The following MTUS2 variants were observed in gnomAD, a reference collection of about 807,000 sequenced individuals.
MTUS2 encodes the protein microtubule-associated tumor suppressor candidate 2.
MTUS2 carries 40 observed loss-of-function variants against 114.1 expected under a neutral mutation model. That is an observed-to-expected ratio of 0.35 (90% CI 0.27 to 0.46). The LOEUF (loss-of-function observed/expected upper bound fraction) is 0.46. Among genes scored for constraint, MTUS2 ranks in the 20% least tolerant of loss-of-function variants. The pLI is 1.00. For synonymous variants in MTUS2, 688 were observed against 672.0 expected (o/e 1.02, Z -0.37); for missense variants, 1,679 against 1,705.4 (o/e 0.98, Z 0.27).
chr13:29,381,159 T>A (rs912651757), intron 8 of MTUS2, among the ~76,000 whole-genome samples: 3 of 152,184 alleles, frequency 2.0e-5, no homozygotes, highest in Admixed American at 2.0e-4. Flanking sequence ...GGCATGTATC[T>A]GGGCTTCTGC....
chr13:28,872,405 G>T (rs1282436508), intron 2 of MTUS2, among the ~76,000 whole-genome samples: 2 of 152,160 alleles, frequency 1.3e-5, no homozygotes, highest in Admixed American at 1.3e-4. Flanking sequence ...ATTTGTTTTG[G>T]ATAGACTGAG....
chr13:28,895,722 G>A (rs1422520931), intron 2 of MTUS2, among the ~76,000 whole-genome samples: 1 of 152,216 alleles, frequency 6.6e-6, no homozygotes, highest in Non-Finnish European at 1.5e-5. Context: ...AAACTGCAGA[G>A]AAGCAGTAGC....
chr13:28,907,689 A>T (rs551945840), intron 2 of MTUS2, among the ~76,000 whole-genome samples: 2 of 151,808 alleles, frequency 1.3e-5, no homozygotes, highest in Admixed American at 1.3e-4. Context: ...GATCAATTCA[A>T]CAAAAAGAGC....
At chr13:28,921,414 C>T (rs1378416417) in intron 2 of MTUS2, among the ~76,000 whole-genome samples, 1 of 152,184 alleles carries the variant, frequency 6.6e-6, no homozygotes, top group Non-Finnish European at 1.5e-5. Context: ...AGGCAAAGTC[C>T]TCTTTGCTCT....
intron 8 of MTUS2, among the ~76,000 whole-genome samples, chr13:29,371,366 C>T (rs566120518): frequency 3.4e-5 from 5 of 145,830 alleles, no homozygotes; most frequent in South Asian, 2.1e-4. Flanking sequence ...TACAGGCGCC[C>T]GCCACCATGC....
chr13:29,449,163 A>G (rs551817922), intron 9 of MTUS2, among the ~76,000 whole-genome samples: 2 of 151,460 alleles, frequency 1.3e-5, no homozygotes, highest in East Asian at 3.9e-4. Flanking sequence ...ACAATACCTG[A>G]ATGTTTTCTA....
chr13:29,421,260 C>T (rs945980670), intron 8 of MTUS2, among the ~76,000 whole-genome samples: 14 of 152,224 alleles, frequency 9.2e-5, no homozygotes, highest in Admixed American at 5.9e-4. Context: ...TTTTCCTGGC[C>T]CTGGCAGTCC....
intron 10 of MTUS2, chr13:29,485,255 G>T (rs1343945670): frequency 6.6e-6 from 1 of 152,600 alleles, no homozygotes; most frequent in Non-Finnish European, 1.5e-5. Context: ...TGGTTCCAAG[G>T]TCCTCTCAGG....
chr13:29,234,902 A>G (rs1296277997), intron 5 of MTUS2, among the ~76,000 whole-genome samples: 9 of 152,086 alleles, frequency 5.9e-5, no homozygotes, highest in African/African-American at 1.2e-4. Flanking sequence ...AAATTTATAT[A>G]CAAGTTTTTA....
chr13:28,864,111 C>A (rs1335132780), intron 2 of MTUS2, among the ~76,000 whole-genome samples: 2 of 152,168 alleles, frequency 1.3e-5, no homozygotes, highest in East Asian at 3.8e-4. Flanking sequence ...AAATTGGGTT[C>A]TCCTCTTCTA....
At chr13:28,875,338 G>A (rs892036133) in intron 2 of MTUS2, among the ~76,000 whole-genome samples, 3 of 152,210 alleles carry the variant, frequency 2.0e-5, no homozygotes, top group African/African-American at 7.2e-5. Flanking sequence ...TGGATGCTCA[G>A]TAAAAATGTG....
intron 2 of MTUS2, among the ~76,000 whole-genome samples, chr13:28,899,462 T>G (rs2453708): frequency 0.68 from 102,927 of 151,990 alleles, 37,617 homozygotes; most frequent in Non-Finnish European, 0.82. Context: ...CAGGCTGGAG[T>G]GCAGTGGCGT....
At position 28,894,282 on chromosome 13, in the gene MTUS2, G is replaced by GTGGA. The variant is rs1172021649; in HGVS notation, c.-243+54432_-243+54433insTGGA. 3.0e-3 allele frequency among the ~76,000 whole-genome samples: 114 copies of GTGGA among 38,544 alleles called. 8 individuals carry two copies. The highest frequency in any genetic ancestry group is 0.021 in the African/African-American group (99 of 4,820). The allele number at this position is 38,544 out of a possible 152,430, so 25.3% of individuals were successfully genotyped here. A position where few individuals can be genotyped will look rare whatever the true frequency, so the allele number is the denominator to read the frequency against. On this transcript the variant is annotated intron_variant, in intron 2 of 15. Coordinates refer to ENST00000612955, the MANE Select transcript of MTUS2 (RefSeq NM_001033602.4). ...TTATAAGAAGAAGGAGAGTTGGTGG[G>GTGGA]GGGGGGGGAGAGAGAGAGAGAGGGG... is the stretch of plus-strand genomic sequence containing the variant.
intron 4 of MTUS2, among the ~76,000 whole-genome samples, chr13:29,052,746 T>A (rs759306793): frequency 1.8e-4 from 27 of 152,156 alleles, no homozygotes; most frequent in Non-Finnish European, 4.0e-4. Flanking sequence ...CAGAATTATT[T>A]CAACAACCTA....
intron 7 of MTUS2, among the ~76,000 whole-genome samples, chr13:29,329,399 T>G (rs376653163): frequency 1.4e-4 from 21 of 152,168 alleles, no homozygotes; most frequent in African/African-American, 5.1e-4. Flanking sequence ...TATCTGGGTT[T>G]CTGTTCCTGT....
At chr13:29,215,356 A>T (rs1016163352) in intron 5 of MTUS2, among the ~76,000 whole-genome samples, 1 of 151,574 alleles carries the variant, frequency 6.6e-6, no homozygotes, top group Non-Finnish European at 1.5e-5. Context: ...TCTGAATCCT[A>T]CTTCTGTCAA....
chr13:29,170,441 T>C (rs1360416041), intron 5 of MTUS2, among the ~76,000 whole-genome samples: 1 of 152,206 alleles, frequency 6.6e-6, no homozygotes. Context: ...ACAGGCCACT[T>C]TTTATTAGCA....
chr13:29,204,910 G>C (rs1166201581), intron 5 of MTUS2, among the ~76,000 whole-genome samples: 1 of 152,182 alleles, frequency 6.6e-6, no homozygotes, highest in Non-Finnish European at 1.5e-5. Context: ...GGGACATCAT[G>C]GGGTGCAGCT....
intron 5 of MTUS2, among the ~76,000 whole-genome samples, chr13:29,273,069 G>A (rs928009944): frequency 2.0e-5 from 3 of 152,172 alleles, no homozygotes; most frequent in Non-Finnish European, 2.9e-5. Context: ...AGCCCTCATA[G>A]CCCAATCACC....
Sources: gnomAD v4.1 joint callset for allele counts (sites outside exome capture counted in the v4.1 genomes callset) on GRCh38, gnomAD v4.1.1 for gene constraint, MANE v1.5 for transcripts, NCBI Gene and HGNC (gene_info 2026-07-23, HGNC 2026-07-21) for gene names.